PTPRD: variants seen among roughly 807,000 people sequenced by gnomAD.
PTPRD encodes receptor-type tyrosine-protein phosphatase delta.
PTPRD carries 34 observed loss-of-function variants against 214.5 expected under a neutral mutation model. The ratio of observed to expected loss-of-function variants is 0.16; its 90% CI spans 0.12 to 0.21. The LOEUF (loss-of-function observed/expected upper bound fraction) is 0.21. PTPRD is among the 10% of genes least tolerant of loss of function. The pLI is 1.00. For synonymous variants in PTPRD, 1,128 were observed against 845.7 expected (o/e 1.33, Z -5.79); for missense variants, 2,545 against 2,398.7 (o/e 1.06, Z -1.27).
chr9:8,955,614 T>C lies in PTPRD; in HGVS notation c.-104+63083A>G, dbSNP rs940721428. Among the ~76,000 whole-genome samples the C allele has an allele frequency of 2.6e-5, 4 of 151,452 alleles. No individual in the cohort carries two copies. In the East Asian group the frequency reaches 7.7e-4, roughly 29 times the overall value. On this transcript the variant is annotated intron_variant, in intron 11 of 45. Transcript: ENST00000381196. ...CCTCTGAGAGGCTATTTCTGTTTTT[T>C]ATTTTTTATTTTTTATTTTTTTATT...
intron 5 of PTPRD, among the ~76,000 whole-genome samples, chr9:9,836,541 A>G (rs899099195): frequency 1.3e-5 from 2 of 152,144 alleles, no homozygotes; most frequent in African/African-American, 4.8e-5. Flanking sequence ...ATTCTAGTTT[A>G]TGGGGTGACT....
chr9:9,795,118 T>C (rs1257682491), intron 5 of PTPRD, among the ~76,000 whole-genome samples: 2 of 152,234 alleles, frequency 1.3e-5, no homozygotes, highest in Non-Finnish European at 2.9e-5. Context: ...GAGAATACTT[T>C]AACTATGTAT....
At chr9:9,109,268 T>TAA in intron 10 of PTPRD, among the ~76,000 whole-genome samples, 1 of 152,302 alleles carries the variant, frequency 6.6e-6, no homozygotes, top group East Asian at 1.9e-4. Context: ...GCAAAGCCTT[T>TAA]AAAAATGTAG....
chr9:9,801,799 G>A (rs1195442422), intron 5 of PTPRD, among the ~76,000 whole-genome samples: 1 of 152,048 alleles, frequency 6.6e-6, no homozygotes, highest in Non-Finnish European at 1.5e-5. Flanking sequence ...CAAGGCCACT[G>A]CAAGTTCTTT....
chr9:10,108,137 A>G (rs1591379288), intron 3 of PTPRD, among the ~76,000 whole-genome samples: 2 of 152,216 alleles, frequency 1.3e-5, no homozygotes, highest in Non-Finnish European at 2.9e-5. Flanking sequence ...TTGCTGCTTT[A>G]GAACACTAGG....
intron 2 of PTPRD, among the ~76,000 whole-genome samples, chr9:10,372,050 C>G (rs950785060): frequency 6.6e-6 from 1 of 151,880 alleles, no homozygotes; most frequent in Non-Finnish European, 1.5e-5. Context: ...AGTTTGGAAT[C>G]CAGTAATGGT....
chr9:9,080,123 G>C (rs1168271216), intron 10 of PTPRD, among the ~76,000 whole-genome samples: 1 of 151,882 alleles, frequency 6.6e-6, no homozygotes, highest in Non-Finnish European at 1.5e-5. Context: ...CACTGTACTA[G>C]ATCCCTGAAT....
chr9:8,675,739 C>G (rs867033484), intron 12 of PTPRD, among the ~76,000 whole-genome samples: 68 of 152,192 alleles, frequency 4.5e-4, no homozygotes, highest in African/African-American at 1.6e-3. Flanking sequence ...TCTCCATCAC[C>G]TTGTCTCCAC....
chr9:9,256,895 C>T (rs1055194656), intron 9 of PTPRD, among the ~76,000 whole-genome samples: 1 of 152,006 alleles, frequency 6.6e-6, no homozygotes, highest in Non-Finnish European at 1.5e-5. Flanking sequence ...AGAGGGTCTT[C>T]TGTATTTCCC....
At chr9:8,585,376 A>C (rs1564528273) in intron 14 of PTPRD, among the ~76,000 whole-genome samples, 5 of 152,174 alleles carry the variant, frequency 3.3e-5, no homozygotes, top group African/African-American at 1.2e-4. Context: ...GGTTCTGTCA[A>C]GGTTTAATCA....
intron 5 of PTPRD, among the ~76,000 whole-genome samples, chr9:9,931,440 T>G (rs543501776): frequency 7.2e-5 from 11 of 152,310 alleles, no homozygotes; most frequent in African/African-American, 2.4e-4. Context: ...GGGAGTTCCC[T>G]TTCCTAGTCA....
chr9:8,721,634 C>T (rs1020241785), intron 12 of PTPRD, among the ~76,000 whole-genome samples: 4 of 152,016 alleles, frequency 2.6e-5, no homozygotes, highest in Admixed American at 2.6e-4. Context: ...AGGCATAGTA[C>T]TAAACACCTT....
At chr9:8,490,442 A>C (rs2097127022) in intron 27 of PTPRD, among the ~76,000 whole-genome samples, 2 of 152,224 alleles carry the variant, frequency 1.3e-5, no homozygotes, top group African/African-American at 4.8e-5. Flanking sequence ...CCAACGCAAC[A>C]ACAATCACAA....
At position 10,224,121 on chromosome 9, in the gene PTPRD, C is replaced by T. The variant is rs529161595; in HGVS notation, c.-545+116842G>A. Among the ~76,000 whole-genome samples the T allele has an allele frequency of 2.0e-5, 3 of 151,892 alleles. No individual in the cohort carries two copies. The East Asian group carries it at 5.8e-4, about 30-fold the overall frequency. ...CAGTTGCCTCTTGAGAATAATAACA[C>T]CAATACAAATATTAAGAAGGATAAT... On this transcript the variant is annotated intron_variant, in intron 3 of 45. Coordinates refer to ENST00000381196, the MANE Select transcript of PTPRD (RefSeq NM_002839.4).
rs572920547 is a variant in PTPRD, at chr9:9,504,269, G to A, written c.-237+70463C>T. Among the ~76,000 whole-genome samples, 7 of 151,646 alleles carry A rather than the reference G, an allele frequency of 4.6e-5. No individual in the cohort carries two copies. The South Asian group carries it at 1.5e-3, about 31-fold the overall frequency. On this transcript the variant is annotated intron_variant, in intron 8 of 45. Transcript: ENST00000381196. Reference sequence around the variant, plus strand: ...TTTTGCTCTATATTTCTACTTATTTGACATCTGTTTTATATGTCTTTACCC... The same window carrying A: ...TTTTGCTCTATATTTCTACTTATTTAACATCTGTTTTATATGTCTTTACCC...
intron 11 of PTPRD, among the ~76,000 whole-genome samples, chr9:8,923,911 T>C (rs1024733274): frequency 2.6e-5 from 4 of 152,162 alleles, no homozygotes; most frequent in South Asian, 2.1e-4. Context: ...GAAAATGCAG[T>C]CTATATTTGA....
In PTPRD at chr9:10,288,297, C is replaced by T. The variant is rs971730638; in HGVS notation, c.-545+52666G>A. 1.1e-4 allele frequency among the ~76,000 whole-genome samples: 14 copies of T among 132,546 alleles called. No homozygotes were observed. The South Asian group carries it at 1.2e-3, about 11-fold the overall frequency. The allele number at this position is 132,546 out of a possible 152,430, so 87.0% of individuals were successfully genotyped here. A position where few individuals can be genotyped will look rare whatever the true frequency, so the allele number is the denominator to read the frequency against. ...ATTTGTTCATATTATCCAGTTAAAA[C>T]GATCATAGATTTTTTTAAAAATTCC... On this transcript the variant is annotated intron_variant, in intron 3 of 45. Coordinates refer to ENST00000381196, the MANE Select transcript of PTPRD (RefSeq NM_002839.4).
intron 8 of PTPRD, among the ~76,000 whole-genome samples, chr9:9,425,369 T>TATA (rs201455328): frequency 0.81 from 117,527 of 145,698 alleles, 47,591 homozygotes; most frequent in Non-Finnish European, 0.82. Context: ...ATATAAAATA[T>TATA]ATATTATAAT....
chr9:8,754,306 T>C (rs1207418152), intron 11 of PTPRD, among the ~76,000 whole-genome samples: 6 of 152,060 alleles, frequency 3.9e-5, no homozygotes, highest in Non-Finnish European at 8.8e-5. Flanking sequence ...GCCAAGACAA[T>C]CTTATAGAAA....
Sources: allele counts gnomAD v4.1 joint callset (sites outside exome capture counted in the v4.1 genomes callset), GRCh38; gene constraint gnomAD v4.1.1; transcripts MANE v1.5; gene names NCBI Gene and HGNC (gene_info 2026-07-23, HGNC 2026-07-21).